Variants in SPAG16 observed in about 807,000 individuals in gnomAD.
SPAG16 encodes the protein sperm associated antigen 16, also known as sperm-associated antigen 16 protein.
A neutral mutation model predicts 80.4 loss-of-function variants in SPAG16; 86 were observed. That is an observed-to-expected ratio of 1.07 (90% CI 0.90 to 1.28). SPAG16 has a LOEUF of 1.28. Ranked by LOEUF, SPAG16 falls within the 50% of genes most tolerant of loss-of-function variation. SPAG16 has a pLI of 0.00. For synonymous variants in SPAG16, 294 were observed against 265.9 expected (o/e 1.11, Z -1.03); for missense variants, 870 against 765.3 (o/e 1.14, Z -1.61).
chr2:213,483,539 G>A (rs2073847126), intron 9 of SPAG16, among the ~76,000 whole-genome samples: 1 of 152,110 alleles, frequency 6.6e-6, no homozygotes, highest in African/African-American at 2.4e-5. Flanking sequence ...TTGAGCAGAT[G>A]GATTCTCAAA....
chr2:214,238,476 G>A (rs1385726286), intron 15 of SPAG16: 1 of 154,618 alleles, frequency 6.5e-6, no homozygotes, highest in Non-Finnish European at 1.4e-5. Flanking sequence ...ACAAGAATTT[G>A]ATTTCCCAGC....
intron 15 of SPAG16, among the ~76,000 whole-genome samples, chr2:214,358,879 T>C (rs187519365): frequency 6.6e-6 from 1 of 152,066 alleles, no homozygotes; most frequent in East Asian, 1.9e-4. Context: ...TTTCATATTA[T>C]AAAATAATTT....
At chr2:213,356,393 G>C (rs776106029) in intron 7 of SPAG16, among the ~76,000 whole-genome samples, 10 of 152,142 alleles carry the variant, frequency 6.6e-5, no homozygotes, top group Non-Finnish European at 7.4e-5. Context: ...TTATTTGGTT[G>C]GTAGGTTATT....
chr2:214,028,373 C>T (rs1001676164), intron 13 of SPAG16, among the ~76,000 whole-genome samples: 4 of 152,024 alleles, frequency 2.6e-5, no homozygotes, highest in Non-Finnish European at 5.9e-5. Flanking sequence ...ATGATGGAGC[C>T]TTTTCACAAT....
intron 11 of SPAG16, among the ~76,000 whole-genome samples, chr2:213,926,500 A>T (rs1304276630): frequency 2.0e-5 from 3 of 150,866 alleles, no homozygotes; most frequent in Admixed American, 6.6e-5. Context: ...CATGTTTTTC[A>T]TTTTTTTTCC....
At chr2:213,462,046 A>G (rs1382496148) in intron 9 of SPAG16, among the ~76,000 whole-genome samples, 1 of 152,224 alleles carries the variant, frequency 6.6e-6, no homozygotes, top group Non-Finnish European at 1.5e-5. Context: ...AAAATGTTAA[A>G]AACATTGTAT....
intron 10 of SPAG16, among the ~76,000 whole-genome samples, chr2:213,580,269 C>G (rs1379653830): frequency 6.6e-6 from 1 of 152,140 alleles, no homozygotes; most frequent in Non-Finnish European, 1.5e-5. Flanking sequence ...CATCATACTT[C>G]TCCACAAATA....
intron 9 of SPAG16, among the ~76,000 whole-genome samples, chr2:213,447,821 A>G (rs2071428676): frequency 6.6e-6 from 1 of 152,230 alleles, no homozygotes; most frequent in African/African-American, 2.4e-5. Context: ...TTGCTTCAGG[A>G]AAAGTATAAT....
At chr2:214,291,900 C>T (rs533314724) in intron 15 of SPAG16, among the ~76,000 whole-genome samples, 1 of 152,288 alleles carries the variant, frequency 6.6e-6, no homozygotes, top group East Asian at 1.9e-4. Flanking sequence ...TGTCTTTTCG[C>T]TTCCAGATTT....
In SPAG16 at chr2:214,371,200, T is replaced by C. The variant is rs143099958; in HGVS notation, c.1721-38940T>C. ...ATATATATACTCGACAGGGAAAATG[T>C]GTTGTCCCTGTGTAATGACAGCCTA... is the stretch of plus-strand genomic sequence containing the variant. On this transcript the variant is annotated intron_variant, in intron 15 of 15. Transcript: ENST00000331683. 8.5e-5 allele frequency among the ~76,000 whole-genome samples: 13 copies of C among 152,236 alleles called. No homozygotes were observed. The East Asian group carries it at 2.5e-3, about 29-fold the overall frequency.
chr2:213,414,711 G>A (rs1256614439), intron 9 of SPAG16, among the ~76,000 whole-genome samples: 1 of 152,204 alleles, frequency 6.6e-6, no homozygotes, highest in Non-Finnish European at 1.5e-5. Flanking sequence ...TCAATAGGAA[G>A]CCAAAATAGT....
intron 15 of SPAG16, among the ~76,000 whole-genome samples, chr2:214,327,494 C>T (rs1160963330): frequency 6.6e-6 from 1 of 152,210 alleles, no homozygotes; most frequent in Non-Finnish European, 1.5e-5. Context: ...TACTATCTAG[C>T]AACAAGCACA....
chr2:213,402,162 A>AT (rs1175430220), intron 9 of SPAG16, among the ~76,000 whole-genome samples: 4 of 151,946 alleles, frequency 2.6e-5, no homozygotes, highest in Admixed American at 2.6e-4. Context: ...AATAGGTATA[A>AT]TTTTTTAAAA....
chr2:213,486,430 A>T (rs1277621732), intron 9 of SPAG16, among the ~76,000 whole-genome samples: 3 of 152,138 alleles, frequency 2.0e-5, no homozygotes, highest in African/African-American at 7.2e-5. Context: ...AATCAACCTA[A>T]GTGCCCATGA....
At chr2:214,130,926 G>A (rs2054732380) in intron 14 of SPAG16, among the ~76,000 whole-genome samples, 1 of 152,132 alleles carries the variant, frequency 6.6e-6, no homozygotes, top group African/African-American at 2.4e-5. Flanking sequence ...AGAGTAGAAA[G>A]ACTCTCTGTG....
chr2:213,298,251 G>T (rs927622298), intron 3 of SPAG16, among the ~76,000 whole-genome samples: 7 of 152,150 alleles, frequency 4.6e-5, no homozygotes, highest in Non-Finnish European at 1.0e-4. Context: ...CATAGTAAAT[G>T]ACATTCTCTA....
intron 10 of SPAG16, among the ~76,000 whole-genome samples, chr2:213,655,666 T>C (rs1481704877): frequency 1.3e-5 from 2 of 152,172 alleles, no homozygotes; most frequent in East Asian, 3.8e-4. Context: ...GTGTATTCAG[T>C]TTTGAGATGA....
intron 13 of SPAG16, among the ~76,000 whole-genome samples, chr2:214,104,571 G>C (rs2053273727): frequency 6.6e-6 from 1 of 151,904 alleles, no homozygotes; most frequent in Non-Finnish European, 1.5e-5. Flanking sequence ...GTTGGGGCTG[G>C]AGTGGGGGAA....
intron 10 of SPAG16, among the ~76,000 whole-genome samples, chr2:213,742,556 T>TA (rs2067608236): frequency 6.6e-6 from 1 of 150,380 alleles, no homozygotes; most frequent in Admixed American, 6.6e-5. Context: ...TCTTTTTTTT[T>TA]TTTTTTTTTT....
Sources: gnomAD v4.1 joint callset for allele counts (sites outside exome capture counted in the v4.1 genomes callset) on GRCh38, gnomAD v4.1.1 for gene constraint, MANE v1.5 for transcripts, NCBI Gene and HGNC (gene_info 2026-07-23, HGNC 2026-07-21) for gene names.